The following AFAP1L2 variants were observed in gnomAD, a reference collection of about 807,000 sequenced individuals.
AFAP1L2 encodes the protein actin filament-associated protein 1-like 2.
AFAP1L2 carries 46 observed loss-of-function variants against 99.3 expected under a neutral mutation model. The observed-to-expected ratio is 0.46, with a 90% CI of 0.37 to 0.59. The LOEUF is 0.59. AFAP1L2 is among the 20% of genes least tolerant of loss of function. The probability of loss-of-function intolerance (pLI) is 0.00; values close to 1 mark genes in which losing one functional copy is unlikely to be tolerated. For synonymous variants in AFAP1L2, 397 were observed against 419.1 expected (o/e 0.95, Z 0.64); for missense variants, 959 against 1,034.9 (o/e 0.93, Z 1.01).
intron 2 of AFAP1L2, among the ~76,000 whole-genome samples, chr10:114,336,336 G>A (rs552406510): frequency 6.6e-6 from 1 of 152,402 alleles, no homozygotes; most frequent in South Asian, 2.1e-4. Context: ...TTGGGCTAGA[G>A]AACTTTCTAT....
rs2040893180 is a variant in AFAP1L2, at chr10:114,300,198, A to T, written c.1953T>A (p.Ser651Arg). 3 of 1,614,086 alleles carry T rather than the reference A, an allele frequency of 1.9e-6. No homozygotes were observed. The highest frequency in any genetic ancestry group is 3.3e-5 in the Admixed American group (2 of 60,004). ...PPVKDRLRVT[S>R]AEIKLGKNRT... ...AACTTCCCCAAGCACAAGTACCTGC[A>T]CTGGTCACGCGCAACCTGTCCTTCA... The change falls in exon 15 of 19, where the codon AGT becomes AGA. Residue 651 changes from serine to arginine, a missense_variant. Transcript: ENST00000304129.
At chr10:114,378,817 T>C (rs2055166848) in intron 1 of AFAP1L2, among the ~76,000 whole-genome samples, 1 of 152,212 alleles carries the variant, frequency 6.6e-6, no homozygotes, top group African/African-American at 2.4e-5. Flanking sequence ...GATAGAGAAG[T>C]GACTACCTGT....
At chr10:114,363,144 C>G (rs1447040488) in intron 1 of AFAP1L2, 1 of 985,296 alleles carries the variant, frequency 1.0e-6, no homozygotes, top group Non-Finnish European at 1.2e-6. Context: ...GTTCTGAACA[C>G]ATAAGCAGCA....
intron 1 of AFAP1L2, 21 bp downstream of exon 1, chr10:114,404,419 G>T (rs1589560862): frequency 6.5e-7 from 1 of 1,541,916 alleles, no homozygotes; most frequent in Non-Finnish European, 8.7e-7. Flanking sequence ...TGTGCGCCGC[G>T]CGAGGAACCC....
intron 1 of AFAP1L2, among the ~76,000 whole-genome samples, chr10:114,390,359 C>T (rs188474312): frequency 1.6e-3 from 250 of 152,284 alleles, no homozygotes; most frequent in Middle Eastern, 0.01. Context: ...CAACCCTGCC[C>T]CCTTATGGAC....
the AFAP1L2 span, chr10:114,285,996 C>T: frequency 3.6e-5 from 58 of 1,613,598 alleles, no homozygotes; most frequent in African/African-American, 4.0e-4. Context: ...GACAGCTCTG[C>T]GGGCACCACT....
At chr10:114,375,468 A>G (rs2054661619) in intron 1 of AFAP1L2, among the ~76,000 whole-genome samples, 1 of 152,246 alleles carries the variant, frequency 6.6e-6, no homozygotes, top group Non-Finnish European at 1.5e-5. Flanking sequence ...AAAATTCAAA[A>G]TATAATAATA....
chr10:114,367,247 C>T (rs1162676104), intron 1 of AFAP1L2, among the ~76,000 whole-genome samples: 1 of 152,196 alleles, frequency 6.6e-6, no homozygotes. Flanking sequence ...CTTCTGGAAA[C>T]ACCCTGTCTA....
At chr10:114,396,979 G>A (rs903629105) in intron 1 of AFAP1L2, among the ~76,000 whole-genome samples, 3 of 152,084 alleles carry the variant, frequency 2.0e-5, no homozygotes, top group Non-Finnish European at 4.4e-5. Context: ...CAGAACCATT[G>A]CAGACACACC....
chr10:114,307,046 A>G (rs80161753), intron 10 of AFAP1L2, among the ~76,000 whole-genome samples: 3,273 of 152,246 alleles, frequency 0.021, 121 homozygotes, highest in African/African-American at 0.075. Flanking sequence ...ATGACCCCCA[A>G]TGTGGGACCC....
chr10:114,311,128 C>T lies in AFAP1L2; in HGVS notation c.793-685G>A, dbSNP rs780161153. Among the ~76,000 whole-genome samples, 32 of 152,172 alleles carry T rather than the reference C, an allele frequency of 2.1e-4. 1 individual carries two copies. The highest frequency in any genetic ancestry group is 2.0e-4 in the Admixed American group (3 of 15,292). On this transcript the variant is annotated intron_variant, in intron 7 of 18. Transcript: ENST00000304129. ...GGGGCAGGGGGTCTCAGGAAGAGGG[C>T]GTGAGACTCTGGGAAGGGAGGCTGG...
chr10:114,325,743 A>G lies in AFAP1L2; in HGVS notation c.316-2482T>C, dbSNP rs1361525234. 1.3e-5 allele frequency: 11 copies of G among 822,474 alleles called. No individual in the cohort carries two copies. The East Asian group carries it at 6.5e-4, about 49-fold the overall frequency. 50.9% of individuals were successfully genotyped at this position (822,474 alleles called of 1,614,324 possible). ...CCCTCTTTGCCAGCCCCAGCCTGGT[A>G]CAAGATCTTTGCTCTCTCAGCCTTT... is the stretch of plus-strand genomic sequence containing the variant. On this transcript the variant is annotated intron_variant, in intron 4 of 18. Transcript: ENST00000304129.
chr10:114,311,652 G>C (rs1398080948), intron 7 of AFAP1L2, among the ~76,000 whole-genome samples: 2 of 152,212 alleles, frequency 1.3e-5, no homozygotes, highest in Non-Finnish European at 1.5e-5. Context: ...ATCCCTATTA[G>C]CTTGGGCCAA....
the AFAP1L2 span, chr10:114,289,558 A>C: frequency 2.6e-6 from 4 of 1,559,382 alleles, no homozygotes; most frequent in Non-Finnish European, 3.5e-6. Context: ...CTTCACATAC[A>C]TCATGACGAG....
chr10:114,286,136 G>T, the AFAP1L2 span: 1 of 1,614,130 alleles, frequency 6.2e-7, no homozygotes, highest in Non-Finnish European at 8.5e-7. Flanking sequence ...GCCTGTGGGG[G>T]AGTACCAGGA....
At chr10:114,367,102 C>T (rs1306190839) in intron 1 of AFAP1L2, among the ~76,000 whole-genome samples, 2 of 152,192 alleles carry the variant, frequency 1.3e-5, no homozygotes, top group Non-Finnish European at 2.9e-5. Context: ...ATGAACAAGG[C>T]CCCAAATGTG....
intron 11 of AFAP1L2, 43 bp downstream of exon 11, chr10:114,304,676 C>T: frequency 1.3e-6 from 2 of 1,522,072 alleles, no homozygotes; most frequent in Non-Finnish European, 1.8e-6. Flanking sequence ...GCCACCACCG[C>T]CACACCCTGG....
the AFAP1L2 span, among the ~76,000 whole-genome samples, chr10:114,287,727 A>G: frequency 6.6e-6 from 1 of 152,146 alleles, no homozygotes; most frequent in Admixed American, 6.5e-5. Flanking sequence ...TATAGGAAAA[A>G]ATAATTGACA....
intron 1 of AFAP1L2, among the ~76,000 whole-genome samples, chr10:114,349,193 C>T (rs1275815777): frequency 2.0e-5 from 3 of 151,702 alleles, no homozygotes; most frequent in African/African-American, 4.8e-5. Context: ...GCCCGGCCAA[C>T]ATGGCAAAAC....
Sources: allele counts gnomAD v4.1 joint callset (sites outside exome capture counted in the v4.1 genomes callset), GRCh38; gene constraint gnomAD v4.1.1; transcripts MANE v1.5; gene names NCBI Gene and HGNC (gene_info 2026-07-23, HGNC 2026-07-21).